Variants in GPATCH2L observed in about 807,000 individuals in gnomAD.
GPATCH2L encodes G-patch domain containing 2 like, also known as G patch domain-containing protein 2-like.
Under a neutral mutation model 57.4 loss-of-function variants are expected in GPATCH2L, and 31 were observed. The ratio of observed to expected loss-of-function variants is 0.54; its 90% confidence interval spans 0.41 to 0.73. The LOEUF is 0.73. Among genes scored for constraint, GPATCH2L ranks in the 30% least tolerant of loss-of-function variants. The pLI, the probability that GPATCH2L is intolerant of heterozygous loss-of-function variation, is 0.00. For synonymous variants in GPATCH2L, 199 were observed against 210.7 expected (o/e 0.94, Z 0.48); for missense variants, 481 against 599.9 (o/e 0.80, Z 2.07).
rs941583357 is a variant in GPATCH2L, at chr14:76,197,850, A to G, written c.1288+1878A>G. On this transcript the variant is annotated intron_variant, in intron 9 of 9. Coordinates refer to ENST00000261530, the MANE Select transcript of GPATCH2L (RefSeq NM_017926.4). Reference sequence around the variant, plus strand: ...ATTCTTTATAGGATTTTCCTAAAAGAATAAATAGCTCAGATCTCTGCCAAC... The same window carrying G: ...ATTCTTTATAGGATTTTCCTAAAAGGATAAATAGCTCAGATCTCTGCCAAC... 2.0e-4 allele frequency among the ~76,000 whole-genome samples: 30 copies of G among 152,200 alleles called. 3 individuals carry two copies. The highest frequency in any genetic ancestry group is 2.0e-3 in the Admixed American group (30 of 15,274).
At chr14:76,169,028 T>C (rs1268394786) in intron 3 of GPATCH2L, among the ~76,000 whole-genome samples, 1 of 152,220 alleles carries the variant, frequency 6.6e-6, no homozygotes, top group Non-Finnish European at 1.5e-5. Flanking sequence ...GGTAAGGGCC[T>C]CCTGCTGTGC....
At chr14:76,225,189 A>G (rs2040531830) in intron 1 of GPATCH2L, among the ~76,000 whole-genome samples, 2 of 152,180 alleles carry the variant, frequency 1.3e-5, no homozygotes, top group Admixed American at 1.3e-4. Flanking sequence ...CACAGCTGGA[A>G]GACACACTGC....
intron 1 of GPATCH2L, among the ~76,000 whole-genome samples, chr14:76,225,528 T>C (rs1410715429): frequency 1.3e-5 from 2 of 152,162 alleles, no homozygotes; most frequent in Non-Finnish European, 2.9e-5. Context: ...GAAAGTGTCT[T>C]CATTTACTTG....
At chr14:76,228,357 G>A (rs750995970) in intron 1 of GPATCH2L, among the ~76,000 whole-genome samples, 8 of 152,226 alleles carry the variant, frequency 5.3e-5, no homozygotes, top group Admixed American at 2.6e-4. Flanking sequence ...GTGCGTGCGC[G>A]CGCGTGTGTG....
At chr14:76,181,547 C>T (rs7148093) in intron 8 of GPATCH2L, among the ~76,000 whole-genome samples, 59,476 of 152,004 alleles carry the variant, frequency 0.39, 14,136 homozygotes, top group South Asian at 0.56. Flanking sequence ...CACTTTATCC[C>T]TCAGTCTCTC....
chr14:76,225,912 T>A (rs2040534714), intron 1 of GPATCH2L, among the ~76,000 whole-genome samples: 1 of 152,300 alleles, frequency 6.6e-6, no homozygotes, highest in East Asian at 1.9e-4. Flanking sequence ...CCCAATGCGA[T>A]ATTACTACAT....
At position 76,203,293 on chromosome 14, in the gene GPATCH2L, G is replaced by A. The variant is rs2040338844; in HGVS notation, c.*1442G>A. 1 of 152,196 alleles carries A rather than the reference G, an allele frequency of 6.6e-6. No homozygotes were observed. Among genetic ancestry groups the A allele is most frequent in the African/African-American group, 2.4e-5 (1 of 41,430 alleles). 9.4% of individuals were successfully genotyped at this position (152,196 alleles called of 1,614,324 possible). On this transcript the variant is annotated 3_prime_UTR_variant, in exon 10 of 10. Transcript: ENST00000261530. ...AGGGGACTTGAAGCTAAGTTTACATGGCACTTTAAGACTGAGAACATATCA... is the reference window on the plus strand; with the variant it reads ...AGGGGACTTGAAGCTAAGTTTACATAGCACTTTAAGACTGAGAACATATCA...
At chr14:76,162,392 C>G (rs1408336948) in intron 2 of GPATCH2L, among the ~76,000 whole-genome samples, 1 of 152,146 alleles carries the variant, frequency 6.6e-6, no homozygotes, top group African/African-American at 2.4e-5. Context: ...AAAGAGGGCC[C>G]AAGATGAAAG....
rs1175745083 is a variant in GPATCH2L, at chr14:76,208,448, G to C, written c.*6597G>C. 2 of 152,034 alleles carry C rather than the reference G, an allele frequency of 1.3e-5. No individual in the cohort carries two copies. Among genetic ancestry groups the C allele is most frequent in the Non-Finnish European group, 2.9e-5 (2 of 67,998 alleles). The allele number at this position is 152,034 out of a possible 1,614,324, so 9.4% of individuals were successfully genotyped here. A position where few individuals can be genotyped will look rare whatever the true frequency, so the allele number is the denominator to read the frequency against. ...GTCAAACTCCCTCCTGTTGTCAGCA[G>C]CTTATTGCAAACTGGCCATTCTAAA... On this transcript the variant is annotated 3_prime_UTR_variant, in exon 10 of 10. Coordinates refer to ENST00000261530, the MANE Select transcript of GPATCH2L (RefSeq NM_017926.4).
chr14:76,226,481 CTG>C (rs2040536913), intron 1 of GPATCH2L, among the ~76,000 whole-genome samples: 1 of 152,142 alleles, frequency 6.6e-6, no homozygotes, highest in Admixed American at 6.5e-5. Context: ...CCTGTGGAAA[CTG>C]TGGTCATGTT....
chr14:76,186,356 A>C (rs1294833297), intron 8 of GPATCH2L, among the ~76,000 whole-genome samples: 1 of 152,188 alleles, frequency 6.6e-6, no homozygotes, highest in East Asian at 1.9e-4. Flanking sequence ...TATGATCTGC[A>C]TATCAGAGTT....
chr14:76,220,528 C>G (rs1312177732), intron 1 of GPATCH2L, among the ~76,000 whole-genome samples: 3 of 151,964 alleles, frequency 2.0e-5, no homozygotes, highest in African/African-American at 7.2e-5. Context: ...CTAGAAGTAC[C>G]TGATAGTACA....
At chr14:76,169,242 C>T (rs11159178) in intron 3 of GPATCH2L, among the ~76,000 whole-genome samples, 31,255 of 152,102 alleles carry the variant, frequency 0.21, 3,562 homozygotes, top group African/African-American at 0.3. Flanking sequence ...TCTTTTACTA[C>T]TCACTAGATT....
chr14:76,201,736 C>G lies in GPATCH2L; in HGVS notation c.1334C>G (p.Pro445Arg), dbSNP rs576946730. The change falls in exon 10 of 10, where the codon CCC becomes CGC. Residue 445 changes from proline to arginine, a missense_variant. Physicochemically the swap from Pro to Arg is moderately radical, Grantham distance 103. Coordinates refer to ENST00000261530, the MANE Select transcript of GPATCH2L (RefSeq NM_017926.4). The stretch of plus-strand genomic sequence containing the variant: ...CCAACCACACCAGCATCACAAGCCC[C>G]CAAATCACCCAGCTCTGAGTGGTTG... ...VEPTTPASQAPKSPSSEWLVR... is the reference protein window; with the variant it reads ...VEPTTPASQARKSPSSEWLVR... 3.2e-5 allele frequency: 51 copies of G among 1,613,858 alleles called. 1 individual carries two copies. In the South Asian group the frequency reaches 5.5e-4, roughly 17 times the overall value.
intron 2 of GPATCH2L, among the ~76,000 whole-genome samples, chr14:76,160,792 C>T (rs951058576): frequency 5.3e-5 from 8 of 152,062 alleles, no homozygotes; most frequent in African/African-American, 1.9e-4. Flanking sequence ...GAAGACGTTC[C>T]ATCTACCTGA....
chr14:76,152,238 G>T (rs751966776), intron 1 of GPATCH2L, among the ~76,000 whole-genome samples: 9 of 152,126 alleles, frequency 5.9e-5, no homozygotes, highest in Admixed American at 1.3e-4. Context: ...GGGGCGGGCT[G>T]CAGCCTGAGG....
rs1566824425 is a variant in GPATCH2L at position 76,211,144 on chromosome 14, CA to C, written c.*9294del. On this transcript the variant is annotated 3_prime_UTR_variant, in exon 10 of 10. Transcript: ENST00000261530. The stretch of plus-strand genomic sequence containing the variant: ...TCCAAGGGTAAAAGCATGGTTTATT[CA>C]GAGCACTGCAAGTGTTTTAGTATGG... 1 of 152,152 alleles carries C rather than the reference CA, an allele frequency of 6.6e-6. No homozygotes were observed. Among genetic ancestry groups the C allele is most frequent in the Non-Finnish European group, 1.5e-5 (1 of 68,050 alleles). 9.4% of individuals were successfully genotyped at this position (152,152 alleles called of 1,614,324 possible). A position where few individuals can be genotyped will look rare whatever the true frequency, so the allele number is the denominator to read the frequency against.
At chr14:76,183,007 T>C (rs1486982437) in intron 8 of GPATCH2L, among the ~76,000 whole-genome samples, 2 of 152,234 alleles carry the variant, frequency 1.3e-5, no homozygotes, top group African/African-American at 2.4e-5. Flanking sequence ...TAGCATGATA[T>C]CATGTCAGAA....
intron 8 of GPATCH2L, among the ~76,000 whole-genome samples, chr14:76,191,983 T>A (rs1186858103): frequency 3.9e-5 from 6 of 152,242 alleles, no homozygotes; most frequent in African/African-American, 1.4e-4. Context: ...ACTTTTTACT[T>A]CTATGAGATC....
Sources: gnomAD v4.1 joint callset for allele counts (sites outside exome capture counted in the v4.1 genomes callset) on GRCh38, gnomAD v4.1.1 for gene constraint, MANE v1.5 for transcripts, NCBI Gene and HGNC (gene_info 2026-07-23, HGNC 2026-07-21) for gene names.